POLE2: variants seen among roughly 807,000 people sequenced by gnomAD.
POLE2 encodes DNA polymerase epsilon 2, accessory subunit, also known as DNA polymerase epsilon subunit 2.
POLE2 carries 56 observed loss-of-function variants against 79.4 expected under a neutral mutation model. The ratio of observed to expected loss-of-function variants is 0.71; its 90% confidence interval spans 0.57 to 0.88. The LOEUF (loss-of-function observed/expected upper bound fraction) is 0.88. Ranked by LOEUF, POLE2 falls within the 40% of genes least tolerant of loss-of-function variation. POLE2 has a pLI of 0.00. For missense variants in POLE2, 598 were observed against 638.9 expected (o/e 0.94, Z 0.69); for synonymous variants, 212 against 214.0 (o/e 0.99, Z 0.08).
intron 6 of POLE2, 134 bp downstream of exon 6, chr14:49,669,390 G>A (rs1836309851): frequency 3.4e-6 from 2 of 589,956 alleles, no homozygotes; most frequent in Non-Finnish European, 6.0e-6. Flanking sequence ...TCAAAAGTGG[G>A]CATGCAGCCC....
chr14:49,676,932 C>T (rs765591555), intron 3 of POLE2, among the ~76,000 whole-genome samples: 11 of 152,238 alleles, frequency 7.2e-5, no homozygotes, highest in Non-Finnish European at 1.3e-4. Flanking sequence ...TCATCCTGGA[C>T]GAGCCCTTTG....
At chr14:49,685,259 G>C (rs1226875661) in intron 1 of POLE2, among the ~76,000 whole-genome samples, 1 of 152,166 alleles carries the variant, frequency 6.6e-6, no homozygotes, top group Non-Finnish European at 1.5e-5. Context: ...GTTGTTTTGT[G>C]TGTAGGTGTT....
intron 10 of POLE2, among the ~76,000 whole-genome samples, chr14:49,661,531 C>A (rs993514964): frequency 6.6e-6 from 1 of 152,118 alleles, no homozygotes; most frequent in East Asian, 1.9e-4. Context: ...TTCAGAAAAG[C>A]CTTACTCACA....
intron 2 of POLE2, among the ~76,000 whole-genome samples, chr14:49,683,240 A>G (rs1490419348): frequency 6.6e-6 from 1 of 152,084 alleles, no homozygotes; most frequent in Non-Finnish European, 1.5e-5. Flanking sequence ...CATCTCTACT[A>G]AAATACAAAA....
intron 2 of POLE2, among the ~76,000 whole-genome samples, chr14:49,681,591 T>C (rs1566571199): frequency 6.6e-6 from 1 of 152,072 alleles, no homozygotes; most frequent in Non-Finnish European, 1.5e-5. Context: ...CTGACCAATA[T>C]GGTGAAACCC....
intron 3 of POLE2, chr14:49,677,385 T>C: frequency 2.0e-6 from 1 of 489,870 alleles, no homozygotes. Context: ...CTACAGCGGC[T>C]TGAGGCCATT....
chr14:49,667,194 ACAAAAAAAACAAAAAACTTTC>A lies in POLE2; in HGVS notation c.493-802_493-782del, dbSNP rs1183217543. ...AGCAAGACTCTGTCTCAAAAAAAAA[ACAAAAAAAACAAAAAACTTTC>A]CATCTTTTTCTATATGTAATCCTAA... On this transcript the variant is annotated intron_variant, in intron 6 of 18. Transcript: ENST00000216367. 3.0e-3 allele frequency among the ~76,000 whole-genome samples: 456 copies of A among 151,972 alleles called. 2 individuals carry two copies. Among genetic ancestry groups the A allele is most frequent in the Non-Finnish European group, 4.8e-3 (324 of 67,968 alleles).
intron 3 of POLE2, chr14:49,679,397 G>A (rs1417028347): frequency 9.9e-6 from 2 of 202,472 alleles, no homozygotes; most frequent in Non-Finnish European, 2.0e-5. Flanking sequence ...TAAGAGCAAA[G>A]TAAATTATAC....
chr14:49,671,876 C>T (rs1194397156), intron 5 of POLE2, among the ~76,000 whole-genome samples: 1 of 152,126 alleles, frequency 6.6e-6, no homozygotes, highest in Non-Finnish European at 1.5e-5. Context: ...ATCACTTGAA[C>T]CCAGGAGGCA....
At chr14:49,648,602 CAG>C (rs970447557) in intron 17 of POLE2, among the ~76,000 whole-genome samples, 7 of 152,190 alleles carry the variant, frequency 4.6e-5, no homozygotes, top group African/African-American at 9.7e-5. Context: ...CTTTGTCCCT[CAG>C]GGGGACATTT....
At chr14:49,655,236 C>G in intron 11 of POLE2, 142 bp from the exon 12 acceptor site, 1 of 316,190 alleles carries the variant, frequency 3.2e-6, no homozygotes, top group Non-Finnish European at 5.7e-6. Flanking sequence ...ATACTAATAA[C>G]AGTAGCCATT....
chr14:49,643,796 G>T, intron 18 of POLE2, 126 bp from the exon 19 acceptor site: 19 of 332,322 alleles, frequency 5.7e-5, no homozygotes, highest in South Asian at 2.1e-4. Context: ...CATACATACT[G>T]TTTCAAATTC....
rs188470701 is a variant in POLE2, at chr14:49,669,858, C to A, written c.418-260G>T. ...CATTGTAGGCTGAGGATATGAAGAA[C>A]AACCAAGTGTCACCCTGAGAGCATT... On this transcript the variant is annotated intron_variant, in intron 5 of 18. Coordinates refer to ENST00000216367, the MANE Select transcript of POLE2 (RefSeq NM_002692.4). 1.4e-3 allele frequency among the ~76,000 whole-genome samples: 209 copies of A among 152,196 alleles called. No individual in the cohort carries two copies. In the East Asian group the frequency reaches 0.019, roughly 14 times the overall value.
At chr14:49,688,012 T>C (rs1281515593) in intron 1 of POLE2, 124 bp downstream of exon 1, 11 of 780,512 alleles carry the variant, frequency 1.4e-5, no homozygotes, top group African/African-American at 9.0e-5. Context: ...CTTAGAACTC[T>C]GAAATTTAAG....
chr14:49,669,496 C>G, intron 6 of POLE2, 28 bp downstream of exon 6: 2 of 1,063,552 alleles, frequency 1.9e-6, no homozygotes, highest in Non-Finnish European at 2.9e-6. Context: ...CACTTATACC[C>G]CCTACATAAC....
intron 3 of POLE2, chr14:49,677,556 G>A: frequency 2.1e-6 from 1 of 483,386 alleles, no homozygotes; most frequent in Non-Finnish European, 3.7e-6. Context: ...CGACCCAGCA[G>A]TGCACCATCT....
rs1162033821 is a variant in POLE2 at position 49,646,302 on chromosome 14, GTTTTTTTTTTT to G, written c.1565+980_1565+990del. 8.0e-4 allele frequency among the ~76,000 whole-genome samples: 68 copies of G among 84,572 alleles called. 1 individual carries two copies. Among genetic ancestry groups the G allele is most frequent in the African/African-American group, 3.6e-3 (61 of 16,962 alleles). The allele number at this position is 84,572 out of a possible 152,430, so 55.5% of individuals were successfully genotyped here. ...GATTTGGTCAGTTGTTTTTTTGTTG[GTTTTTTTTTTT>G]TTTTTTTTTTTTTTTTTTTTTTGAG... On this transcript the variant is annotated intron_variant, in intron 18 of 18. Transcript: ENST00000216367.
rs76073967 is a variant in POLE2, at chr14:49,664,777, C to G, written c.634-103G>C. ...TTCTAAATAATAAATTTAAAGACTT[C>G]CCATTTGAAACTGTGAATAGACCAC... On this transcript the variant is annotated intron_variant, in intron 8 of 18. Coordinates refer to ENST00000216367, the MANE Select transcript of POLE2 (RefSeq NM_002692.4). The G allele has an allele frequency of 1.2e-3, 931 of 776,422 alleles. 5 individuals are homozygous for G. In the African/African-American group the frequency reaches 0.015, roughly 12 times the overall value. The allele number at this position is 776,422 out of a possible 1,614,324, so 48.1% of individuals were successfully genotyped here. A position where few individuals can be genotyped will look rare whatever the true frequency, so the allele number is the denominator to read the frequency against.
chr14:49,685,816 A>C (rs1343726732), intron 1 of POLE2, among the ~76,000 whole-genome samples: 1 of 150,744 alleles, frequency 6.6e-6, no homozygotes, highest in African/African-American at 2.5e-5. Context: ...TTTAGTAGAG[A>C]CAGGGTTTCA....
Sources: allele counts gnomAD v4.1 joint callset (sites outside exome capture counted in the v4.1 genomes callset), GRCh38; gene constraint gnomAD v4.1.1; transcripts MANE v1.5; gene names NCBI Gene and HGNC (gene_info 2026-07-23, HGNC 2026-07-21).